Variants in EEFSEC observed in about 807,000 individuals in gnomAD.
EEFSEC encodes eukaryotic elongation factor, selenocysteine-tRNA specific, also known as selenocysteine-specific elongation factor.
EEFSEC carries 43 observed loss-of-function variants against 42.1 expected under a neutral mutation model. The observed-to-expected ratio is 1.02, with a 90% CI of 0.80 to 1.32. The LOEUF is 1.32. Ranked by LOEUF, EEFSEC falls within the 40% of genes most tolerant of loss-of-function variation. The pLI, the probability that EEFSEC is intolerant of heterozygous loss-of-function variation, is 0.00. For missense variants in EEFSEC, 745 were observed against 803.6 expected (o/e 0.93, Z 0.88); for synonymous variants, 354 against 339.1 (o/e 1.04, Z -0.48).
chr3:128,352,428 C>T (rs2067399141), intron 5 of EEFSEC, among the ~76,000 whole-genome samples: 1 of 152,236 alleles, frequency 6.6e-6, no homozygotes, highest in Admixed American at 6.5e-5. Context: ...CCTTCCAGGA[C>T]TGCCTTCCTC....
chr3:128,192,977 G>A (rs2811512), intron 1 of EEFSEC, among the ~76,000 whole-genome samples: 64,484 of 152,016 alleles, frequency 0.42, 16,416 homozygotes, highest in African/African-American at 0.71. Flanking sequence ...TTTAGAGCCT[G>A]GGTTCAAATG....
chr3:128,401,733 G>A (rs780359667), intron 6 of EEFSEC, among the ~76,000 whole-genome samples: 8 of 152,202 alleles, frequency 5.3e-5, no homozygotes, highest in Non-Finnish European at 8.8e-5. Flanking sequence ...CCTTGGGATA[G>A]CCAGGTGGGA....
chr3:128,223,554 A>G (rs535565454), intron 1 of EEFSEC, among the ~76,000 whole-genome samples: 1 of 152,312 alleles, frequency 6.6e-6, no homozygotes, highest in African/African-American at 2.4e-5. Flanking sequence ...ATGGTATACA[A>G]CTTGTGATAC....
intron 4 of EEFSEC, among the ~76,000 whole-genome samples, chr3:128,291,438 T>G (rs1490534159): frequency 6.6e-6 from 1 of 152,204 alleles, no homozygotes; most frequent in Non-Finnish European, 1.5e-5. Context: ...ACCTTTTCTT[T>G]GCCCTTATGC....
At chr3:128,348,254 G>A (rs1303381760) in intron 5 of EEFSEC, among the ~76,000 whole-genome samples, 3 of 124,704 alleles carry the variant, frequency 2.4e-5, no homozygotes, top group Admixed American at 8.0e-5. Flanking sequence ...GTGTGCATGC[G>A]TGTGTGTGTG....
At chr3:128,374,527 G>A (rs1350324836) in intron 6 of EEFSEC, among the ~76,000 whole-genome samples, 1 of 152,104 alleles carries the variant, frequency 6.6e-6, no homozygotes, top group African/African-American at 2.4e-5. Flanking sequence ...GAGTGGGGGA[G>A]ACCTAGGGGG....
chr3:128,359,521 A>C (rs2107590756), intron 6 of EEFSEC, among the ~76,000 whole-genome samples: 1 of 152,234 alleles, frequency 6.6e-6, no homozygotes. Flanking sequence ...GCTGGGACTC[A>C]GTTGTGTGCC....
At chr3:128,237,339 TA>T (rs1444310629) in intron 1 of EEFSEC, among the ~76,000 whole-genome samples, 1 of 152,230 alleles carries the variant, frequency 6.6e-6, no homozygotes, top group African/African-American at 2.4e-5. Context: ...TTTAAGATTA[TA>T]AAAAATTTTT....
At chr3:128,191,100 A>T (rs565292242) in intron 1 of EEFSEC, among the ~76,000 whole-genome samples, 2 of 152,352 alleles carry the variant, frequency 1.3e-5, no homozygotes, top group East Asian at 3.9e-4. Flanking sequence ...GAAATTGCCT[A>T]ATGACACATT....
chr3:128,318,912 G>A (rs1310822406), intron 4 of EEFSEC, among the ~76,000 whole-genome samples: 2 of 152,198 alleles, frequency 1.3e-5, no homozygotes, highest in Non-Finnish European at 2.9e-5. Flanking sequence ...GGAGTAAGGC[G>A]GTTTTTACCC....
intron 1 of EEFSEC, among the ~76,000 whole-genome samples, chr3:128,229,561 G>A (rs967788219): frequency 2.0e-5 from 3 of 152,318 alleles, no homozygotes; most frequent in African/African-American, 7.2e-5. Flanking sequence ...ATAGTTACAG[G>A]CCTAAAAGGC....
intron 1 of EEFSEC, among the ~76,000 whole-genome samples, chr3:128,159,248 G>A (rs1944436440): frequency 6.6e-6 from 1 of 152,220 alleles, no homozygotes; most frequent in African/African-American, 2.4e-5. Context: ...GGAAACCCAA[G>A]CAAAGTGCCT....
At chr3:128,315,683 G>A (rs1395010180) in intron 4 of EEFSEC, among the ~76,000 whole-genome samples, 1 of 152,198 alleles carries the variant, frequency 6.6e-6, no homozygotes, top group African/African-American at 2.4e-5. Context: ...CACTGTCAGT[G>A]GTATGGAGTG....
chr3:128,352,374 G>T (rs2067398307), intron 5 of EEFSEC, among the ~76,000 whole-genome samples: 1 of 152,236 alleles, frequency 6.6e-6, no homozygotes, highest in African/African-American at 2.4e-5. Flanking sequence ...ATTTCCGGAG[G>T]TGTAGGTTTT....
chr3:128,358,495 G>C (rs1576669001), intron 6 of EEFSEC, 122 bp downstream of exon 6: 1 of 1,406,424 alleles, frequency 7.1e-7, no homozygotes, highest in Non-Finnish European at 9.6e-7. Context: ...CCGAGACACG[G>C]GGTGACTTGG....
intron 5 of EEFSEC, 112 bp from the exon 6 acceptor site, chr3:128,358,105 C>T: frequency 7.1e-7 from 1 of 1,417,460 alleles, no homozygotes; most frequent in South Asian, 1.4e-5. Flanking sequence ...CTAGAGCGGG[C>T]AGCAGCCAGC....
intron 1 of EEFSEC, among the ~76,000 whole-genome samples, chr3:128,181,636 G>A (rs779928176): frequency 8.5e-5 from 13 of 152,180 alleles, no homozygotes; most frequent in Non-Finnish European, 1.9e-4. Context: ...TGCTCCCCCA[G>A]TATGTCTGAT....
intron 1 of EEFSEC, among the ~76,000 whole-genome samples, chr3:128,214,700 G>A (rs774422564): frequency 1.3e-5 from 2 of 152,196 alleles, no homozygotes; most frequent in Non-Finnish European, 2.9e-5. Context: ...AGGCCCAGAG[G>A]CCATCAGTTA....
At chr3:128,302,798 A>G (rs1006112195) in intron 4 of EEFSEC, among the ~76,000 whole-genome samples, 7 of 152,220 alleles carry the variant, frequency 4.6e-5, no homozygotes, top group African/African-American at 1.7e-4. Flanking sequence ...ATATAAGTGT[A>G]TAAAGCTATT....
Sources: allele counts gnomAD v4.1 joint callset (sites outside exome capture counted in the v4.1 genomes callset), GRCh38; gene constraint gnomAD v4.1.1; transcripts MANE v1.5; gene names NCBI Gene and HGNC (gene_info 2026-07-23, HGNC 2026-07-21).